Variants in CPNE5 observed in about 807,000 individuals in gnomAD.
The protein encoded by CPNE5 is copine-5.
A neutral mutation model predicts 81.1 loss-of-function variants in CPNE5; 42 were observed. The observed-to-expected ratio is 0.52, with a 90% confidence interval of 0.40 to 0.67. CPNE5 has a LOEUF of 0.67. CPNE5 is among the 30% of genes least tolerant of loss of function. CPNE5 has a pLI of 0.00. For missense variants in CPNE5, 612 were observed against 815.5 expected, an observed-to-expected ratio of 0.75 and a Z score of 3.04; for synonymous variants, 313 against 321.5, an observed-to-expected ratio of 0.97 and a Z score of 0.28.
Position 36,743,638 on chromosome 6 carries a change from G to A in CPNE5, c.1563+51C>T, listed in dbSNP as rs374214006. The A allele has an allele frequency of 1.1e-5, 17 of 1,560,084 alleles. No individual in the cohort carries two copies. In the Middle Eastern group the frequency reaches 5.1e-4, roughly 46 times the overall value. ...CCAAAGGGGGTGTGAGGTCCGCCTG[G>A]CTAGAGGGGCTCTTGAATTTCCCAT... On this transcript the variant is annotated intron_variant, in intron 20 of 20. Coordinates refer to ENST00000244751, the MANE Select transcript of CPNE5 (RefSeq NM_020939.2).
intron 6 of CPNE5, among the ~76,000 whole-genome samples, chr6:36,796,650 G>C (rs59321958): frequency 1.3e-5 from 2 of 152,142 alleles, no homozygotes; most frequent in Admixed American, 1.3e-4. Flanking sequence ...AGAGGGAGGG[G>C]CCTAGCAAAT....
chr6:36,812,747 G>A (rs545862855), intron 3 of CPNE5, among the ~76,000 whole-genome samples: 1 of 152,318 alleles, frequency 6.6e-6, no homozygotes, highest in East Asian at 1.9e-4. Context: ...AAATTCAGCT[G>A]CATGACAAGA....
chr6:36,821,059 G>A (rs1348877693), intron 3 of CPNE5, among the ~76,000 whole-genome samples: 1 of 152,216 alleles, frequency 6.6e-6, no homozygotes, highest in African/African-American at 2.4e-5. Flanking sequence ...TGTTAGATAG[G>A]GTGGCCAGAG....
intron 3 of CPNE5, among the ~76,000 whole-genome samples, chr6:36,807,795 C>T (rs1770731567): frequency 6.6e-6 from 1 of 152,170 alleles, no homozygotes; most frequent in Non-Finnish European, 1.5e-5. Flanking sequence ...GGATCCAGGC[C>T]CTACTCTCCC....
At chr6:36,798,039 T>C in intron 6 of CPNE5, 126 bp downstream of exon 6, 1 of 705,516 alleles carries the variant, frequency 1.4e-6, no homozygotes, top group Non-Finnish European at 2.5e-6. Context: ...TGGGGTCTCT[T>C]TATTCCTAAT....
At chr6:36,799,787 C>G (rs1769942062) in intron 4 of CPNE5, among the ~76,000 whole-genome samples, 180 bp downstream of exon 4, 1 of 152,200 alleles carries the variant, frequency 6.6e-6, no homozygotes, top group Non-Finnish European at 1.5e-5. Flanking sequence ...CTCTTCTTCC[C>G]CCTTTCCATC....
chr6:36,819,654 C>G (rs1771867858), intron 3 of CPNE5, among the ~76,000 whole-genome samples: 1 of 152,192 alleles, frequency 6.6e-6, no homozygotes, highest in Non-Finnish European at 1.5e-5. Context: ...GCCTCCTCAC[C>G]CTCAGGCTCT....
intron 4 of CPNE5, among the ~76,000 whole-genome samples, chr6:36,799,244 C>A (rs954193361): frequency 6.6e-6 from 1 of 152,152 alleles, no homozygotes. Context: ...CAGGTGACTT[C>A]TCTACAATAG....
At chr6:36,764,250 G>A (rs1386255355) in intron 11 of CPNE5, among the ~76,000 whole-genome samples, 1 of 152,090 alleles carries the variant, frequency 6.6e-6, no homozygotes, top group African/African-American at 2.4e-5. Context: ...GGAACGCCAG[G>A]GTAAGACGAG....
chr6:36,755,787 CATGTT>C (rs1765379686), intron 13 of CPNE5: 1 of 166,432 alleles, frequency 6.0e-6, no homozygotes, highest in Non-Finnish European at 1.3e-5. Context: ...AGTGAGATGT[CATGTT>C]GAGTCCCATC....
At chr6:36,788,897 C>G (rs1338595819) in intron 8 of CPNE5, among the ~76,000 whole-genome samples, 3 of 152,138 alleles carry the variant, frequency 2.0e-5, no homozygotes, top group African/African-American at 7.2e-5. Flanking sequence ...TTTGCTGGTT[C>G]CCACCCGCCC....
intron 9 of CPNE5, among the ~76,000 whole-genome samples, chr6:36,776,505 G>C (rs949157026): frequency 1.3e-5 from 2 of 152,172 alleles, no homozygotes; most frequent in African/African-American, 2.4e-5. Flanking sequence ...AGGTGGGGCA[G>C]GAAGAGGAGC....
chr6:36,818,603 G>T (rs1771766758), intron 3 of CPNE5, among the ~76,000 whole-genome samples: 1 of 152,124 alleles, frequency 6.6e-6, no homozygotes, highest in Admixed American at 6.5e-5. Flanking sequence ...CCTCACCGCA[G>T]GCCTATAAGG....
At chr6:36,818,910 C>T (rs959870369) in intron 3 of CPNE5, among the ~76,000 whole-genome samples, 2 of 152,196 alleles carry the variant, frequency 1.3e-5, no homozygotes, top group African/African-American at 2.4e-5. Context: ...TCATGAATCA[C>T]GAGGACATGA....
Position 36,775,077 on chromosome 6 carries a change from GAA to G in CPNE5, c.633-14_633-13del. 1 of 1,608,934 alleles carries G rather than the reference GAA, an allele frequency of 6.2e-7. No homozygotes were observed. Among genetic ancestry groups the G allele is most frequent in the Non-Finnish European group, 8.5e-7 (1 of 1,175,312 alleles). On this transcript the variant is annotated splice_polypyrimidine_tract_variant and intron_variant, in intron 9 of 20. Coordinates refer to ENST00000244751, the MANE Select transcript of CPNE5 (RefSeq NM_020939.2). ...GGCAAATGGTGAACCTGGTGAAGAAGAAGAGAGGGAAAGGCTGTCAGGCCCAA... is the reference window on the plus strand; with the variant it reads ...GGCAAATGGTGAACCTGGTGAAGAAGGAGAGGGAAAGGCTGTCAGGCCCAA...
At chr6:36,813,456 G>C (rs1005680723) in intron 3 of CPNE5, among the ~76,000 whole-genome samples, 6 of 152,156 alleles carry the variant, frequency 3.9e-5, no homozygotes, top group African/African-American at 1.4e-4. Context: ...ACTTGAACCC[G>C]GGAGGCAGAG....
chr6:36,748,098 C>A, intron 15 of CPNE5, 123 bp downstream of exon 15: 1 of 885,498 alleles, frequency 1.1e-6, no homozygotes, highest in Non-Finnish European at 1.9e-6. Context: ...GACCTAGGTA[C>A]ATCCTCTTTG....
At chr6:36,833,714 C>T (rs918443220) in intron 1 of CPNE5, among the ~76,000 whole-genome samples, 1 of 152,182 alleles carries the variant, frequency 6.6e-6, no homozygotes, top group Admixed American at 6.5e-5. Context: ...TGGAGGAGGA[C>T]TCAGAGCCTT....
chr6:36,742,306 G>A lies in CPNE5; in HGVS notation c.1744C>T (p.Arg582Cys), dbSNP rs760503915. ...PTHSPSQSPA[R>C]TPPASPLHTH... ...TGCAGGGGGGACGCAGGGGGCGTGC[G>A]GGCTGGGGACTGCGAGGGCGAGTGG... is the stretch of plus-strand genomic sequence containing the variant. The change falls in exon 21 of 21, where the codon CGC becomes TGC. Residue 582 changes from arginine to cysteine, a missense_variant. Coordinates refer to ENST00000244751, the MANE Select transcript of CPNE5 (RefSeq NM_020939.2). 112 of 1,607,104 alleles carry A rather than the reference G, an allele frequency of 7.0e-5. No homozygotes were observed. Among genetic ancestry groups the A allele is most frequent in the Admixed American group, 5.8e-4 (35 of 59,888 alleles).
Sources: allele counts gnomAD v4.1 joint callset (sites outside exome capture counted in the v4.1 genomes callset), GRCh38; gene constraint gnomAD v4.1.1; transcripts MANE v1.5; gene names NCBI Gene and HGNC (gene_info 2026-07-23, HGNC 2026-07-21).